The following MYO1B variants were observed in gnomAD, a reference collection of about 807,000 sequenced individuals.
MYO1B encodes myosin IB.
MYO1B carries 72 observed loss-of-function variants against 159.7 expected under a neutral mutation model. The observed-to-expected ratio is 0.45, with a 90% CI of 0.37 to 0.55. MYO1B has a LOEUF of 0.55. Among genes scored for constraint, MYO1B ranks in the 20% least tolerant of loss-of-function variants. The pLI, the probability that MYO1B is intolerant of heterozygous loss-of-function variation, is 0.00. For synonymous variants in MYO1B, 468 were observed against 473.8 expected (o/e 0.99, Z 0.16); for missense variants, 1,062 against 1,364.8 (o/e 0.78, Z 3.50).
intron 1 of MYO1B, among the ~76,000 whole-genome samples, chr2:191,272,125 G>A (rs1268407874): frequency 6.6e-6 from 1 of 152,186 alleles, no homozygotes; most frequent in African/African-American, 2.4e-5. Context: ...AATACAGGTA[G>A]TAATTTTGGA....
chr2:191,353,712 C>T (rs1284119076), intron 7 of MYO1B, among the ~76,000 whole-genome samples: 4 of 152,202 alleles, frequency 2.6e-5, no homozygotes, highest in Admixed American at 6.5e-5. Flanking sequence ...ACTTCATTCT[C>T]TGTGCCTCCA....
intron 24 of MYO1B, 147 bp from the exon 25 acceptor site, chr2:191,407,968 G>T: frequency 2.0e-6 from 1 of 495,912 alleles, no homozygotes; most frequent in Admixed American, 3.7e-5. Context: ...TCCACTATAT[G>T]AATGTGTTTC....
intron 7 of MYO1B, among the ~76,000 whole-genome samples, chr2:191,354,309 T>TTA (rs1693129862): frequency 6.7e-6 from 1 of 150,142 alleles, no homozygotes; most frequent in African/African-American, 2.4e-5. Flanking sequence ...GTCGAACACC[T>TTA]TATATATATT....
chr2:191,380,488 A>C (rs773331934), intron 13 of MYO1B, among the ~76,000 whole-genome samples: 4 of 152,350 alleles, frequency 2.6e-5, no homozygotes, highest in East Asian at 3.9e-4. Context: ...TTTGGGCGAT[A>C]AAGAAAAATA....
At chr2:191,330,469 A>G (rs901729466) in intron 4 of MYO1B, among the ~76,000 whole-genome samples, 4 of 152,240 alleles carry the variant, frequency 2.6e-5, no homozygotes, top group African/African-American at 9.6e-5. Flanking sequence ...TTTCCTCTGA[A>G]GCCTGAAGAA....
chr2:191,416,284 C>A, intron 30 of MYO1B, 42 bp downstream of exon 30: 1 of 1,612,116 alleles, frequency 6.2e-7, no homozygotes, highest in Non-Finnish European at 8.5e-7. Context: ...TCTCTTTCAG[C>A]TTTTTTGTTT....
intron 30 of MYO1B, among the ~76,000 whole-genome samples, chr2:191,419,344 G>A (rs558735033): frequency 2.0e-5 from 3 of 151,618 alleles, no homozygotes; most frequent in South Asian, 4.2e-4. Flanking sequence ...TCAGCCTCCC[G>A]AGTAGCTGGG....
chr2:191,355,704 C>T (rs185691229), intron 7 of MYO1B, among the ~76,000 whole-genome samples: 284 of 152,300 alleles, frequency 1.9e-3, no homozygotes, highest in Non-Finnish European at 2.6e-3. Context: ...CCTCTGTGCA[C>T]GGCCGTTTCC....
intron 1 of MYO1B, 106 bp from the exon 2 acceptor site, chr2:191,276,781 T>G: frequency 7.6e-7 from 1 of 1,316,798 alleles, no homozygotes; most frequent in Non-Finnish European, 1.0e-6. Context: ...TTAAGGCTAG[T>G]GAGAGTCATT....
intron 1 of MYO1B, among the ~76,000 whole-genome samples, chr2:191,248,577 T>TCGTA (rs1553525021): frequency 6.6e-6 from 1 of 152,188 alleles, no homozygotes; most frequent in East Asian, 1.9e-4. Flanking sequence ...TGATGGGGTA[T>TCGTA]CGTACTACAT....
intron 3 of MYO1B, among the ~76,000 whole-genome samples, chr2:191,299,597 C>T (rs12623069): frequency 1 from 151,659 of 152,374 alleles, 75,475 homozygotes; most frequent in East Asian, 1. Context: ...AGGCTAGATC[C>T]GTTGCTTTTG....
At chr2:191,304,871 T>A (rs1434253733) in intron 3 of MYO1B, among the ~76,000 whole-genome samples, 1 of 152,204 alleles carries the variant, frequency 6.6e-6, no homozygotes, top group African/African-American at 2.4e-5. Flanking sequence ...AAAGAGTTTA[T>A]TGTAAAAATG....
chr2:191,261,247 A>G (rs1686792324), intron 1 of MYO1B, among the ~76,000 whole-genome samples: 1 of 152,310 alleles, frequency 6.6e-6, no homozygotes, highest in East Asian at 1.9e-4. Flanking sequence ...GATTTTAAAC[A>G]TGTGTGCCAA....
chr2:191,393,158 G>T lies in MYO1B; in HGVS notation c.2162G>T (p.Arg721Leu), dbSNP rs777952836. 3.7e-5 allele frequency: 59 copies of T among 1,613,798 alleles called. No individual in the cohort carries two copies. The highest frequency in any genetic ancestry group is 4.7e-5 in the Non-Finnish European group (56 of 1,179,940). Residue 721 changes from arginine (R) to leucine (L), a missense_variant, in exon 20 of 31, where the codon CGC becomes CTC. Around this residue, in one of 5 missense-constraint regions of MYO1B, gnomAD observed 609 missense variants for 744.4 expected, o/e 0.82. Transcript: ENST00000392318. ...AAGATATATCGGGGGTGGAAATGCCGCACACACTTCCTGCTAATGAAAAAA... is the reference window on the plus strand; with the variant it reads ...AAGATATATCGGGGGTGGAAATGCCTCACACACTTCCTGCTAATGAAAAAA... Reference protein sequence around the residue: ...IQKIYRGWKCRTHFLLMKKSQ... With the variant: ...IQKIYRGWKCLTHFLLMKKSQ...
intron 2 of MYO1B, among the ~76,000 whole-genome samples, chr2:191,282,030 A>C (rs1688093911): frequency 6.6e-6 from 1 of 152,228 alleles, no homozygotes; most frequent in South Asian, 2.1e-4. Context: ...ATATAGTACC[A>C]TATATTTGAT....
At chr2:191,333,801 T>C (rs1241569625) in intron 4 of MYO1B, among the ~76,000 whole-genome samples, 2 of 152,214 alleles carry the variant, frequency 1.3e-5, no homozygotes, top group African/African-American at 2.4e-5. Context: ...CCCTTCCATG[T>C]CACTAACCAG....
chr2:191,265,194 T>G (rs994112374), intron 1 of MYO1B, among the ~76,000 whole-genome samples: 4 of 151,922 alleles, frequency 2.6e-5, no homozygotes, highest in Admixed American at 6.6e-5. Flanking sequence ...CCTGTTTTTT[T>G]TTTTTTTTTT....
chr2:191,405,092 T>G (rs1341125148), intron 24 of MYO1B, among the ~76,000 whole-genome samples: 1 of 152,240 alleles, frequency 6.6e-6, no homozygotes, highest in Non-Finnish European at 1.5e-5. Context: ...TTTTGTCAAC[T>G]AAGCTTATGG....
intron 13 of MYO1B, among the ~76,000 whole-genome samples, chr2:191,372,597 G>A (rs1228106696): frequency 6.6e-6 from 1 of 152,184 alleles, no homozygotes; most frequent in Non-Finnish European, 1.5e-5. Context: ...AGGTAGGAAA[G>A]TCTAATCAGG....
Sources: allele counts gnomAD v4.1 joint callset (sites outside exome capture counted in the v4.1 genomes callset), GRCh38; gene constraint gnomAD v4.1.1; regional missense constraint gnomAD v4.1.1; transcripts MANE v1.5; gene names NCBI Gene and HGNC (gene_info 2026-07-23, HGNC 2026-07-21).